The following NELL1 variants were observed in gnomAD, a reference collection of about 807,000 sequenced individuals.
NELL1 encodes the protein neural EGFL like 1.
In NELL1, 76 loss-of-function variants were observed where a neutral mutation model predicts 107.4. The observed-to-expected ratio is 0.71, with a 90% CI of 0.59 to 0.86. The LOEUF (loss-of-function observed/expected upper bound fraction) is 0.86, where lower values mean the gene tolerates loss of function less well. NELL1 is among the 40% of genes least tolerant of loss of function. The pLI is 0.00. For missense variants in NELL1, 1,024 were observed against 1,005.5 expected (o/e 1.02, Z -0.25); for synonymous variants, 353 against 341.2 (o/e 1.03, Z -0.38).
At chr11:20,824,884 A>C (rs1195018856) in intron 3 of NELL1, among the ~76,000 whole-genome samples, 3 of 151,408 alleles carry the variant, frequency 2.0e-5, no homozygotes, top group African/African-American at 7.3e-5. Flanking sequence ...GAGAAATTCA[A>C]ACCAGCTGCA....
In NELL1 at chr11:20,984,191, C is replaced by A. The variant is rs143517460; in HGVS notation, c.1300+23631C>A. ...AATTTTATATTTGTTTGTAGGATTT[C>A]TCAATGATTCTGGACATTTTCCCCA... On this transcript the variant is annotated intron_variant, in intron 12 of 19. Transcript: ENST00000357134. 6.2e-3 allele frequency among the ~76,000 whole-genome samples: 939 copies of A among 152,234 alleles called. 13 individuals are homozygous for A. The highest frequency in any genetic ancestry group is 0.021 in the African/African-American group (875 of 41,542).
intron 13 of NELL1, among the ~76,000 whole-genome samples, chr11:21,118,665 C>T (rs570567127): frequency 6.6e-6 from 1 of 152,144 alleles, no homozygotes; most frequent in East Asian, 1.9e-4. Flanking sequence ...GACTCCGGAT[C>T]CTGATATAGC....
intron 13 of NELL1, among the ~76,000 whole-genome samples, chr11:21,216,270 G>T (rs553168247): frequency 6.6e-6 from 1 of 152,326 alleles, no homozygotes; most frequent in Non-Finnish European, 1.5e-5. Context: ...CCAGGCAGAA[G>T]TCTGCTGCAG....
chr11:20,871,449 G>A (rs866128152), intron 4 of NELL1, among the ~76,000 whole-genome samples: 1 of 152,126 alleles, frequency 6.6e-6, no homozygotes, highest in Non-Finnish European at 1.5e-5. Context: ...ATTTACTGGT[G>A]TCTGCCTATA....
intron 2 of NELL1, among the ~76,000 whole-genome samples, chr11:20,727,094 T>A (rs1475728808): frequency 6.6e-6 from 1 of 152,180 alleles, no homozygotes; most frequent in Non-Finnish European, 1.5e-5. Flanking sequence ...TGATTTATAA[T>A]CCTTTGGGTA....
At chr11:20,851,352 G>C (rs77991314) in intron 4 of NELL1, among the ~76,000 whole-genome samples, 4,521 of 152,158 alleles carry the variant, frequency 0.03, 86 homozygotes, top group Middle Eastern at 0.054. Flanking sequence ...TGTTTAGCTG[G>C]GCTTAGTTAG....
chr11:20,943,234 A>T (rs993248827), intron 10 of NELL1, among the ~76,000 whole-genome samples: 3 of 152,156 alleles, frequency 2.0e-5, no homozygotes, highest in African/African-American at 7.2e-5. Flanking sequence ...TACAAGAAAG[A>T]GTTATTGACA....
At chr11:21,238,333 T>TA (rs1047799350) in intron 14 of NELL1, among the ~76,000 whole-genome samples, 4 of 151,828 alleles carry the variant, frequency 2.6e-5, no homozygotes, top group East Asian at 1.9e-4. Context: ...AATATTGCCC[T>TA]AAAAAAAAGT....
intron 4 of NELL1, among the ~76,000 whole-genome samples, chr11:20,869,191 G>A (rs1372998956): frequency 6.6e-6 from 1 of 152,160 alleles, no homozygotes; most frequent in African/African-American, 2.4e-5. Flanking sequence ...TTTCTTGAGT[G>A]TGTTAGTATT....
intron 12 of NELL1, among the ~76,000 whole-genome samples, chr11:21,054,467 G>T (rs1853569190): frequency 6.6e-6 from 1 of 151,950 alleles, no homozygotes; most frequent in Non-Finnish European, 1.5e-5. Flanking sequence ...AATGGCTAAA[G>T]AAAATGGATT....
At chr11:21,412,909 G>A (rs1166785830) in intron 15 of NELL1, among the ~76,000 whole-genome samples, 1 of 152,154 alleles carries the variant, frequency 6.6e-6, no homozygotes, top group Middle Eastern at 3.4e-3. Context: ...CCAACCAGAG[G>A]TATCCCAGGG....
intron 15 of NELL1, among the ~76,000 whole-genome samples, chr11:21,451,222 A>G (rs927952878): frequency 4.0e-5 from 6 of 151,558 alleles, no homozygotes; most frequent in African/African-American, 1.5e-4. Context: ...AAGAAAAAAG[A>G]AAAAGAAAAA....
At chr11:20,989,809 G>T (rs370774540) in intron 12 of NELL1, among the ~76,000 whole-genome samples, 3 of 151,972 alleles carry the variant, frequency 2.0e-5, no homozygotes, top group African/African-American at 7.2e-5. Context: ...TGGCTAACAC[G>T]GTGAAACCCT....
intron 12 of NELL1, among the ~76,000 whole-genome samples, chr11:21,042,707 T>C (rs1853265844): frequency 6.6e-6 from 1 of 152,134 alleles, no homozygotes; most frequent in African/African-American, 2.4e-5. Context: ...TTTGCCATAC[T>C]GACCTGAGGA....
chr11:21,242,268 C>T (rs1186919941), intron 14 of NELL1, among the ~76,000 whole-genome samples: 1 of 152,112 alleles, frequency 6.6e-6, no homozygotes, highest in Non-Finnish European at 1.5e-5. Flanking sequence ...TTCAGGAATA[C>T]AGTCACTTTC....
intron 14 of NELL1, among the ~76,000 whole-genome samples, chr11:21,287,471 A>G (rs1413105965): frequency 2.0e-5 from 3 of 152,204 alleles, no homozygotes; most frequent in Admixed American, 6.5e-5. Flanking sequence ...GCAGTGGAGC[A>G]TAGCATGAAA....
chr11:20,951,281 G>A (rs1382121126), intron 11 of NELL1, among the ~76,000 whole-genome samples: 1 of 152,116 alleles, frequency 6.6e-6, no homozygotes, highest in Non-Finnish European at 1.5e-5. Flanking sequence ...GTTATAGCTT[G>A]CTAGCTTGAT....
At chr11:21,483,670 A>G (rs1854548087) in intron 15 of NELL1, among the ~76,000 whole-genome samples, 1 of 151,892 alleles carries the variant, frequency 6.6e-6, no homozygotes, top group South Asian at 2.1e-4. Flanking sequence ...AGTGTGAAAT[A>G]TAAACAAATA....
chr11:21,137,874 G>A (rs1028649554), intron 13 of NELL1, among the ~76,000 whole-genome samples: 6 of 152,244 alleles, frequency 3.9e-5, no homozygotes, highest in Non-Finnish European at 7.4e-5. Context: ...GCACTGGCTC[G>A]ATCTTTTCAT....
Sources: gnomAD v4.1 joint callset for allele counts (sites outside exome capture counted in the v4.1 genomes callset) on GRCh38, gnomAD v4.1.1 for gene constraint, MANE v1.5 for transcripts, NCBI Gene and HGNC (gene_info 2026-07-23, HGNC 2026-07-21) for gene names.